TRAK1: variants seen among roughly 807,000 people sequenced by gnomAD.
The protein encoded by TRAK1 is trafficking kinesin-binding protein 1.
TRAK1 carries 33 observed loss-of-function variants against 92.1 expected under a neutral mutation model. The observed-to-expected ratio is 0.36, with a 90% confidence interval of 0.27 to 0.48. The LOEUF (loss-of-function observed/expected upper bound fraction) is 0.48, where lower values mean the gene tolerates loss of function less well. Among genes scored for constraint, TRAK1 ranks in the 20% least tolerant of loss-of-function variants. TRAK1 has a pLI of 0.99. For synonymous variants in TRAK1, 521 were observed against 517.3 expected (o/e 1.01, Z -0.10); for missense variants, 1,123 against 1,257.9 (o/e 0.89, Z 1.62).
chr3:42,056,998 G>A (rs183134803), intron 1 of TRAK1, among the ~76,000 whole-genome samples: 1 of 152,276 alleles, frequency 6.6e-6, no homozygotes, highest in Admixed American at 6.5e-5. Context: ...AACCTGAGCC[G>A]TGCACAGCTG....
At chr3:42,023,114 C>T (rs948675285) in intron 1 of TRAK1, among the ~76,000 whole-genome samples, 9 of 148,136 alleles carry the variant, frequency 6.1e-5, no homozygotes, top group South Asian at 2.1e-4. Context: ...GCCGAGATTG[C>T]GCCACTACAC....
chr3:42,186,274 G>A (rs1213790668), intron 4 of TRAK1, among the ~76,000 whole-genome samples: 2 of 152,132 alleles, frequency 1.3e-5, no homozygotes, highest in South Asian at 4.1e-4. Context: ...GAGCCCCTGC[G>A]CCTGGCCTCT....
intron 15 of TRAK1, among the ~76,000 whole-genome samples, chr3:42,222,709 C>T (rs1710477975): frequency 6.6e-6 from 1 of 152,176 alleles, no homozygotes; most frequent in Non-Finnish European, 1.5e-5. Flanking sequence ...TACCCACCAA[C>T]CAGGGATGGG....
chr3:42,222,914 G>C (rs1386852982), intron 15 of TRAK1, 28 bp from the exon 16 acceptor site: 1 of 1,595,048 alleles, frequency 6.3e-7, no homozygotes, highest in Admixed American at 1.7e-5. Flanking sequence ...GGCATTTCTG[G>C]TGAATAACCT....
chr3:42,048,864 C>T (rs1211935569), intron 1 of TRAK1, among the ~76,000 whole-genome samples: 2 of 151,994 alleles, frequency 1.3e-5, no homozygotes, highest in African/African-American at 2.4e-5. Flanking sequence ...TGTGCCTGGC[C>T]TGCCTCTGTC....
intron 11 of TRAK1, among the ~76,000 whole-genome samples, chr3:42,200,511 A>C (rs1707371778): frequency 6.6e-6 from 1 of 152,206 alleles, no homozygotes; most frequent in African/African-American, 2.4e-5. Context: ...AGTCATACTT[A>C]AGTATTTTTA....
At chr3:42,203,278 G>T in intron 13 of TRAK1, 1 of 1,003,818 alleles carries the variant, frequency 1.0e-6, no homozygotes, top group Non-Finnish European at 1.2e-6. Flanking sequence ...TAGCAAGGTT[G>T]TGGCTTTTGG....
At chr3:42,168,669 A>G (rs1456832535) in intron 2 of TRAK1, among the ~76,000 whole-genome samples, 3 of 150,450 alleles carry the variant, frequency 2.0e-5, no homozygotes, top group Non-Finnish European at 4.4e-5. Flanking sequence ...TGCAACCTCC[A>G]CCTCCTGGGC....
intron 1 of TRAK1, among the ~76,000 whole-genome samples, chr3:42,020,663 G>T (rs1222899341): frequency 6.6e-6 from 1 of 152,142 alleles, no homozygotes; most frequent in Non-Finnish European, 1.5e-5. Flanking sequence ...GGATCATTGG[G>T]TCATAAGACA....
intron 3 of TRAK1, among the ~76,000 whole-genome samples, chr3:42,180,362 G>A (rs1260037656): frequency 2.6e-5 from 4 of 152,126 alleles, no homozygotes; most frequent in African/African-American, 7.2e-5. Context: ...GCTGAGCAAC[G>A]TGGCTCACAC....
intron 15 of TRAK1, among the ~76,000 whole-genome samples, chr3:42,221,034 C>T (rs1037899857): frequency 4.4e-4 from 65 of 147,764 alleles, no homozygotes; most frequent in African/African-American, 1.3e-3. Context: ...GTGTCAGGGC[C>T]GAACAAAGCC....
intron 1 of TRAK1, among the ~76,000 whole-genome samples, chr3:42,116,563 T>G (rs1709189112): frequency 6.6e-6 from 1 of 152,240 alleles, no homozygotes; most frequent in South Asian, 2.1e-4. Context: ...AAAATGGAAT[T>G]GTTTCCAAGT....
At chr3:42,150,254 A>G (rs999417255) in intron 2 of TRAK1, among the ~76,000 whole-genome samples, 4 of 152,136 alleles carry the variant, frequency 2.6e-5, no homozygotes, top group African/African-American at 9.7e-5. Flanking sequence ...GCACATTCCA[A>G]GGGAGACTGG....
intron 1 of TRAK1, among the ~76,000 whole-genome samples, chr3:42,043,091 T>C (rs1214403380): frequency 1.3e-5 from 2 of 152,136 alleles, no homozygotes; most frequent in Non-Finnish European, 1.5e-5. Flanking sequence ...CCTCTCCCTT[T>C]AAGGGTAAGG....
At chr3:42,127,533 A>G (rs1710748554) in intron 2 of TRAK1, among the ~76,000 whole-genome samples, 1 of 150,724 alleles carries the variant, frequency 6.6e-6, no homozygotes, top group Admixed American at 6.6e-5. Flanking sequence ...CTAATTTTTA[A>G]TTTTTTTTGG....
At chr3:42,113,646 C>G (rs1708786583) in intron 1 of TRAK1, among the ~76,000 whole-genome samples, 1 of 152,214 alleles carries the variant, frequency 6.6e-6, no homozygotes, top group South Asian at 2.1e-4. Context: ...AACTCCTGAC[C>G]TCAGGTGATC....
intron 1 of TRAK1, among the ~76,000 whole-genome samples, chr3:42,062,004 A>T (rs1417597042): frequency 6.6e-6 from 1 of 152,222 alleles, no homozygotes. Flanking sequence ...AGGCTCTGGG[A>T]CAGCTGCTTC....
intron 3 of TRAK1, among the ~76,000 whole-genome samples, chr3:42,179,229 C>A (rs1703656861): frequency 6.6e-6 from 1 of 152,218 alleles, no homozygotes; most frequent in Non-Finnish European, 1.5e-5. Flanking sequence ...GAGTTACTGC[C>A]TTTCCTTGGA....
At chr3:42,051,823 G>A (rs767288366) in intron 1 of TRAK1, 3 of 152,244 alleles carry the variant, frequency 2.0e-5, no homozygotes, top group Non-Finnish European at 2.9e-5. Flanking sequence ...TTTAAGACAT[G>A]AAAGACAATG....
Sources: gnomAD v4.1 joint callset for allele counts (sites outside exome capture counted in the v4.1 genomes callset) on GRCh38, gnomAD v4.1.1 for gene constraint, MANE v1.5 for transcripts, NCBI Gene and HGNC (gene_info 2026-07-23, HGNC 2026-07-21) for gene names.